PIK3AP1: variants seen among roughly 807,000 people sequenced by gnomAD.
PIK3AP1 encodes the protein phosphoinositide-3-kinase adaptor protein 1.
A neutral mutation model predicts 88.1 loss-of-function variants in PIK3AP1; 21 were observed. The ratio of observed to expected loss-of-function variants is 0.24; its 90% confidence interval spans 0.17 to 0.34. The LOEUF (loss-of-function observed/expected upper bound fraction) is 0.34. PIK3AP1 is among the 10% of genes least tolerant of loss of function. The probability of loss-of-function intolerance (pLI) is 1.00; values close to 1 mark genes in which losing one functional copy is unlikely to be tolerated. For missense variants in PIK3AP1, 828 were observed against 1,035.7 expected, an observed-to-expected ratio of 0.80 and a Z score of 2.75; for synonymous variants, 398 against 400.0, an observed-to-expected ratio of 1.00 and a Z score of 0.06.
intron 2 of PIK3AP1, among the ~76,000 whole-genome samples, chr10:96,679,817 G>C (rs1473491773): frequency 6.6e-6 from 1 of 152,130 alleles, no homozygotes; most frequent in Non-Finnish European, 1.5e-5. Flanking sequence ...GTAGCCACAG[G>C]TTCACTTCAC....
At chr10:96,670,754 A>G (rs1843834611) in intron 2 of PIK3AP1, among the ~76,000 whole-genome samples, 1 of 152,190 alleles carries the variant, frequency 6.6e-6, no homozygotes, top group African/African-American at 2.4e-5. Flanking sequence ...TCTTAAGTTG[A>G]AAACTGTCTT....
intron 2 of PIK3AP1, among the ~76,000 whole-genome samples, chr10:96,708,585 A>C (rs1384812252): frequency 3.3e-5 from 5 of 149,766 alleles, no homozygotes; most frequent in Non-Finnish European, 7.4e-5. Context: ...AAAAAAAAAA[A>C]AAAAAAAAAA....
intron 2 of PIK3AP1, among the ~76,000 whole-genome samples, chr10:96,657,681 A>G (rs576095729): frequency 1.4e-4 from 20 of 146,858 alleles, no homozygotes; most frequent in African/African-American, 4.5e-4. Context: ...GTGTGTGTGC[A>G]TGCACATGTG....
intron 14 of PIK3AP1, among the ~76,000 whole-genome samples, chr10:96,604,375 T>TTTTTTTTTTTTTTTTTTA (rs1407736143): frequency 1.8e-5 from 1 of 55,232 alleles, no homozygotes; most frequent in African/African-American, 5.6e-5. Context: ...TTTTTTTTTT[T>TTTTTTTTTTTTTTTTTTA]TTTGTAGCAA....
intron 8 of PIK3AP1, among the ~76,000 whole-genome samples, chr10:96,641,086 CGTGTGTGT>C (rs56816682): frequency 0.044 from 6,301 of 143,222 alleles, 179 homozygotes; most frequent in South Asian, 0.098. Flanking sequence ...GTGAGTGTGC[CGTGTGTGT>C]GTGTGTGTGT....
intron 13 of PIK3AP1, 40 bp downstream of exon 13, chr10:96,616,599 C>A: frequency 6.2e-7 from 1 of 1,600,044 alleles, no homozygotes; most frequent in Non-Finnish European, 8.6e-7. Context: ...CAGATGACAG[C>A]AATGTCCCAC....
intron 2 of PIK3AP1, among the ~76,000 whole-genome samples, chr10:96,707,131 C>A (rs76053872): frequency 1.1e-3 from 164 of 152,300 alleles, no homozygotes; most frequent in African/African-American, 3.8e-3. Flanking sequence ...TTCCGAGACA[C>A]TTGAAGCTAA....
chr10:96,609,940 C>T (rs557762016), intron 13 of PIK3AP1, 73 bp from the exon 14 acceptor site: 2 of 1,488,926 alleles, frequency 1.3e-6, no homozygotes, highest in African/African-American at 2.8e-5. Context: ...CAGCAGCTTC[C>T]CTCCACCTGC....
intron 2 of PIK3AP1, chr10:96,700,731 A>G: frequency 1.1e-5 from 9 of 828,070 alleles, no homozygotes; most frequent in Non-Finnish European, 1.3e-5. Context: ...TGCTTTCAAG[A>G]GATCCAAGCC....
chr10:96,652,599 A>G, intron 4 of PIK3AP1, 99 bp downstream of exon 4: 5 of 1,440,192 alleles, frequency 3.5e-6, no homozygotes, highest in Non-Finnish European at 4.8e-6. Context: ...AGTAGCAAAC[A>G]TATTTAAGAT....
intron 16 of PIK3AP1, among the ~76,000 whole-genome samples, chr10:96,601,976 C>G (rs922485410): frequency 7.9e-5 from 12 of 152,130 alleles, no homozygotes; most frequent in African/African-American, 2.7e-4. Context: ...CTCTGCCTCC[C>G]GGGTTCAAGC....
intron 2 of PIK3AP1, among the ~76,000 whole-genome samples, chr10:96,662,450 A>C (rs1368043173): frequency 6.6e-6 from 1 of 151,754 alleles, no homozygotes. Context: ...AAAAATACAA[A>C]AAATTAGCCA....
intron 9 of PIK3AP1, 113 bp downstream of exon 9, chr10:96,628,285 T>G (rs1843180510): frequency 2.2e-6 from 2 of 897,452 alleles, no homozygotes; most frequent in African/African-American, 3.3e-5. Flanking sequence ...TCACATGCCA[T>G]GTATGCAGCA....
At chr10:96,696,190 A>G (rs1240687509) in intron 2 of PIK3AP1, among the ~76,000 whole-genome samples, 3 of 152,230 alleles carry the variant, frequency 2.0e-5, no homozygotes, top group Admixed American at 6.5e-5. Flanking sequence ...TACCACACAT[A>G]AAACATTGTC....
rs748891605 is a variant in PIK3AP1, at chr10:96,651,258, ATCT to A, written c.975_977del (p.Glu325del). On this transcript the variant is annotated inframe_deletion, in exon 6 of 17. Coordinates refer to ENST00000339364, the MANE Select transcript of PIK3AP1 (RefSeq NM_152309.3). ...TGACTGTCAACTTACTTGTCATCAT[ATCT>A]TCTTCTTCCAGCTGGTTGATTCCAA... The A allele has an allele frequency of 1.7e-5, 27 of 1,614,088 alleles. No homozygotes were observed. Among genetic ancestry groups the A allele is most frequent in the South Asian group, 4.4e-5 (4 of 91,082 alleles).
At chr10:96,656,729 G>A in intron 3 of PIK3AP1, 69 bp downstream of exon 3, 3 of 1,580,778 alleles carry the variant, frequency 1.9e-6, no homozygotes, top group Non-Finnish European at 2.6e-6. Flanking sequence ...TCTCTTTACT[G>A]CAACAAATGC....
chr10:96,687,255 CAAAAAAAAAAAAAAAA>C (rs59631566), intron 2 of PIK3AP1, among the ~76,000 whole-genome samples: 1 of 55,304 alleles, frequency 1.8e-5, no homozygotes, highest in Non-Finnish European at 3.2e-5. Context: ...TACTCCATCT[CAAAAAAAAAAAAAAAA>C]AAAAAAAAAA....
At chr10:96,667,816 TA>T (rs1443567938) in intron 2 of PIK3AP1, among the ~76,000 whole-genome samples, 6 of 152,072 alleles carry the variant, frequency 3.9e-5, no homozygotes, top group Non-Finnish European at 8.8e-5. Flanking sequence ...CTTCAACCAG[TA>T]AAAGAATGCC....
At chr10:96,651,765 G>A in intron 4 of PIK3AP1, 114 bp from the exon 5 acceptor site, 2 of 1,261,136 alleles carry the variant, frequency 1.6e-6, no homozygotes, top group Non-Finnish European at 2.2e-6. Flanking sequence ...TTGGGGGCTG[G>A]AAGAAAGATC....
Sources: allele counts gnomAD v4.1 joint callset (sites outside exome capture counted in the v4.1 genomes callset), GRCh38; gene constraint gnomAD v4.1.1; transcripts MANE v1.5; gene names NCBI Gene and HGNC (gene_info 2026-07-23, HGNC 2026-07-21).